The following PLCXD3 variants were observed in gnomAD, a reference collection of about 807,000 sequenced individuals.
The protein encoded by PLCXD3 is phosphatidylinositol specific phospholipase C X domain containing 3.
In PLCXD3, 19 loss-of-function variants were observed where a neutral mutation model predicts 25.5. That is an observed-to-expected ratio of 0.75 (90% CI 0.52 to 1.09). The LOEUF (loss-of-function observed/expected upper bound fraction) is 1.09. PLCXD3 is among the 50% of genes least tolerant of loss of function. The pLI is 0.00. For missense variants in PLCXD3, 411 were observed against 388.1 expected (o/e 1.06, Z -0.50); for synonymous variants, 174 against 137.6 (o/e 1.26, Z -1.85).
In PLCXD3 at chr5:41,497,410, T is replaced by G. The variant is rs550762238; in HGVS notation, c.103+13014A>C. 4.1e-4 allele frequency among the ~76,000 whole-genome samples: 63 copies of G among 151,842 alleles called. 1 individual carries two copies. Among genetic ancestry groups the G allele is most frequent in the Admixed American group, 3.3e-3 (51 of 15,258 alleles). Reference sequence around the variant, plus strand: ...TATATCAGACAAAATAGATTTTAAGTCAAATATTGCTGCAAGAGACAAAGA... The same window carrying G: ...TATATCAGACAAAATAGATTTTAAGGCAAATATTGCTGCAAGAGACAAAGA... On this transcript the variant is annotated intron_variant, in intron 1 of 2. Transcript: ENST00000377801.
intron 1 of PLCXD3, among the ~76,000 whole-genome samples, chr5:41,396,844 A>G (rs1352401425): frequency 6.6e-6 from 1 of 152,228 alleles, no homozygotes; most frequent in Non-Finnish European, 1.5e-5. Flanking sequence ...CTCCTGCTCT[A>G]GAGATCTGTG....
chr5:41,339,100 G>C (rs1344646996), intron 2 of PLCXD3, among the ~76,000 whole-genome samples: 1 of 152,120 alleles, frequency 6.6e-6, no homozygotes, highest in African/African-American at 2.4e-5. Context: ...AAGGGGTAGG[G>C]AGGAAGCTGC....
In PLCXD3 at chr5:41,382,076, C is replaced by A. The variant is rs2150492805; in HGVS notation, c.562G>T (p.Asp188Tyr). 1 of 1,613,672 alleles carries A rather than the reference C, an allele frequency of 6.2e-7. No homozygotes were observed. Among genetic ancestry groups the A allele is most frequent in the Non-Finnish European group, 8.5e-7 (1 of 1,179,754 alleles). ...EVSLKYLWEKDYQVLVFYHSP... is the reference protein window; with the variant it reads ...EVSLKYLWEKYYQVLVFYHSP... ...TGGTAGAAGACCAGCACTTGATAGT[C>A]CTTCTCCCACAGGTACTTTAAACTA... The change falls in exon 2 of 3, where the codon GAC becomes TAC. Residue 188 changes from aspartate (D) to tyrosine (Y), a missense_variant. By Grantham distance (160) the Asp-to-Tyr change is radical. Transcript: ENST00000377801.
Position 41,312,229 on chromosome 5 carries a change from T to C in PLCXD3, c.*1388A>G, listed in dbSNP as rs550161494. Reference sequence around the variant, plus strand: ...GGTTGCAGAAACTTTGTGTGAAACTTTTGCCTCTGCCTTAATCTCATCCCT... The same window carrying C: ...GGTTGCAGAAACTTTGTGTGAAACTCTTGCCTCTGCCTTAATCTCATCCCT... On this transcript the variant is annotated 3_prime_UTR_variant, in exon 3 of 3. Transcript: ENST00000377801. 4 of 152,642 alleles carry C rather than the reference T, an allele frequency of 2.6e-5. No individual in the cohort carries two copies. Among genetic ancestry groups the C allele is most frequent in the Non-Finnish European group, 5.9e-5 (4 of 67,980 alleles). 9.5% of individuals were successfully genotyped at this position (152,642 alleles called of 1,614,324 possible).
At chr5:41,486,941 A>G (rs1453418506) in intron 1 of PLCXD3, among the ~76,000 whole-genome samples, 1 of 152,088 alleles carries the variant, frequency 6.6e-6, no homozygotes, top group East Asian at 1.9e-4. Flanking sequence ...GAATCCCCCA[A>G]CCGTTTTACA....
At chr5:41,436,106 C>G (rs771046895) in intron 1 of PLCXD3, among the ~76,000 whole-genome samples, 1 of 152,132 alleles carries the variant, frequency 6.6e-6, no homozygotes, top group Non-Finnish European at 1.5e-5. Flanking sequence ...GTGAGATATA[C>G]TGGCCACCCA....
chr5:41,500,661 T>A (rs2111579765), intron 1 of PLCXD3, among the ~76,000 whole-genome samples: 1 of 151,884 alleles, frequency 6.6e-6, no homozygotes, highest in East Asian at 1.9e-4. Context: ...GAAGTTGGGT[T>A]TGGCAATGAG....
At chr5:41,489,248 G>C (rs1402949470) in intron 1 of PLCXD3, among the ~76,000 whole-genome samples, 1 of 152,042 alleles carries the variant, frequency 6.6e-6, no homozygotes. Context: ...GTAGATAAGC[G>C]GCATTATTTC....
chr5:41,506,896 T>G (rs1379169405), intron 1 of PLCXD3, among the ~76,000 whole-genome samples: 1 of 152,208 alleles, frequency 6.6e-6, no homozygotes, highest in Non-Finnish European at 1.5e-5. Flanking sequence ...TTTCTGAGTT[T>G]CCAGTCCCAC....
intron 1 of PLCXD3, among the ~76,000 whole-genome samples, chr5:41,509,962 A>T (rs1188053580): frequency 2.6e-5 from 4 of 152,178 alleles, no homozygotes; most frequent in Non-Finnish European, 5.9e-5. Context: ...GTAGCCGAGA[A>T]TCTATCAAAT....
At chr5:41,369,600 C>A (rs1745034317) in intron 2 of PLCXD3, among the ~76,000 whole-genome samples, 1 of 152,066 alleles carries the variant, frequency 6.6e-6, no homozygotes, top group African/African-American at 2.4e-5. Context: ...GCTGCCTCAG[C>A]CTCTTGAGTA....
At chr5:41,461,144 T>A (rs1169181083) in intron 1 of PLCXD3, among the ~76,000 whole-genome samples, 1 of 151,884 alleles carries the variant, frequency 6.6e-6, no homozygotes, top group Non-Finnish European at 1.5e-5. Flanking sequence ...AACTAAAAAA[T>A]TATTTCTAAG....
chr5:41,510,596 T>A lies in PLCXD3; in HGVS notation c.-70A>T. On this transcript the variant is annotated 5_prime_UTR_variant, in exon 1 of 3. Transcript: ENST00000377801. ...CAGGCTGGCAGGCTGCTGCCGCTAA[T>A]CCAATGTTTGCTCTAGCCCCGCTAG... is the stretch of plus-strand genomic sequence containing the variant. The A allele has an allele frequency of 8.0e-7, 1 of 1,253,374 alleles. No individual in the cohort carries two copies. Among genetic ancestry groups the A allele is most frequent in the Non-Finnish European group, 1.1e-6 (1 of 871,634 alleles). The allele number at this position is 1,253,374 out of a possible 1,614,324, so 77.6% of individuals were successfully genotyped here.
chr5:41,434,412 T>C (rs1334718585), intron 1 of PLCXD3, among the ~76,000 whole-genome samples: 1 of 152,160 alleles, frequency 6.6e-6, no homozygotes, highest in Admixed American at 6.5e-5. Context: ...CAATTGCAAC[T>C]GGGAGAATGG....
intron 1 of PLCXD3, among the ~76,000 whole-genome samples, chr5:41,439,142 C>T (rs1747322488): frequency 6.6e-6 from 1 of 152,138 alleles, no homozygotes; most frequent in Non-Finnish European, 1.5e-5. Context: ...CCTGCGCCTC[C>T]TCTGAACCAT....
chr5:41,383,196 G>A (rs1214539927), intron 1 of PLCXD3, among the ~76,000 whole-genome samples: 1 of 152,064 alleles, frequency 6.6e-6, no homozygotes, highest in African/African-American at 2.4e-5. Context: ...GTTCTTGCAA[G>A]TCAACAGCAT....
chr5:41,454,926 T>C (rs1235864354), intron 1 of PLCXD3, among the ~76,000 whole-genome samples: 1 of 151,820 alleles, frequency 6.6e-6, no homozygotes, highest in Non-Finnish European at 1.5e-5. Flanking sequence ...CTTACAATCA[T>C]AGTGGAAGGC....
chr5:41,469,595 G>A (rs1276578812), intron 1 of PLCXD3, among the ~76,000 whole-genome samples: 5 of 151,540 alleles, frequency 3.3e-5, no homozygotes, highest in African/African-American at 1.2e-4. Flanking sequence ...GTTGTATTGT[G>A]TCTAGGAATA....
chr5:41,475,919 G>A (rs1339634959), intron 1 of PLCXD3, among the ~76,000 whole-genome samples: 1 of 152,212 alleles, frequency 6.6e-6, no homozygotes, highest in African/African-American at 2.4e-5. Context: ...AGTGAGCAAA[G>A]GCAGCCCCTG....
Sources: gnomAD v4.1 joint callset for allele counts (sites outside exome capture counted in the v4.1 genomes callset) on GRCh38, gnomAD v4.1.1 for gene constraint, MANE v1.5 for transcripts, NCBI Gene and HGNC (gene_info 2026-07-23, HGNC 2026-07-21) for gene names.